Variants in SEMA3A observed in about 807,000 individuals in gnomAD.
SEMA3A encodes semaphorin-3A.
SEMA3A carries 29 observed loss-of-function variants against 97.9 expected under a neutral mutation model. That is an observed-to-expected ratio of 0.30 (90% confidence interval 0.22 to 0.40). SEMA3A has a LOEUF of 0.40. SEMA3A is among the 10% of genes least tolerant of loss of function. The pLI, the probability that SEMA3A is intolerant of heterozygous loss-of-function variation, is 1.00. For missense variants in SEMA3A, 763 were observed against 951.3 expected (o/e 0.80, Z 2.60); for synonymous variants, 321 against 323.7 (o/e 0.99, Z 0.09).
At position 84,011,022 on chromosome 7, in the gene SEMA3A, C is replaced by A; in HGVS notation, c.995G>T (p.Ser332Ile). 1.3e-6 allele frequency: 2 copies of A among 1,597,942 alleles called. No homozygotes were observed. The highest frequency in any genetic ancestry group is 1.7e-6 in the Non-Finnish European group (2 of 1,168,786). ...ATAAGGTAGTTAAAAAGTTACTTAC[C>A]TGGAAGTCGTAAACACTCCATATAC... is the stretch of plus-strand genomic sequence containing the variant. ...PVVYGVFTTS[S>I]NIFKGSAVCM... The change falls in exon 9 of 17, where the codon AGT becomes ATT. Residue 332 changes from serine to isoleucine, a missense_variant and splice_region_variant. Physicochemically the swap from Ser to Ile is moderately radical, Grantham distance 142. Around this residue, in one of 2 missense-constraint regions of SEMA3A, gnomAD observed 678 missense variants for 881.3 expected, o/e 0.77. Transcript: ENST00000265362.
chr7:84,162,793 A>G (rs578235464), intron 1 of SEMA3A, among the ~76,000 whole-genome samples: 18 of 152,228 alleles, frequency 1.2e-4, no homozygotes, highest in Admixed American at 6.5e-4. Flanking sequence ...GCAAAGCTGT[A>G]GCTATGTCCA....
intron 1 of SEMA3A, among the ~76,000 whole-genome samples, chr7:84,429,313 C>T (rs368976747): frequency 2.8e-4 from 43 of 151,184 alleles, no homozygotes; most frequent in African/African-American, 4.4e-4. Context: ...TGAACTAGTA[C>T]GACATCTCCA....
intron 2 of SEMA3A, among the ~76,000 whole-genome samples, chr7:84,370,290 TAA>T (rs556596388): frequency 2.5e-4 from 38 of 151,668 alleles, no homozygotes; most frequent in Non-Finnish European, 4.3e-4. Flanking sequence ...TCACAATCCA[TAA>T]ACTTTGTTTC....
intron 1 of SEMA3A, among the ~76,000 whole-genome samples, chr7:84,462,721 A>G (rs1490746649): frequency 6.6e-6 from 1 of 152,148 alleles, no homozygotes; most frequent in Non-Finnish European, 1.5e-5. Context: ...CCTTTTTAGC[A>G]TGTAACCAAA....
intron 1 of SEMA3A, among the ~76,000 whole-genome samples, chr7:84,177,336 A>G (rs529029603): frequency 2.0e-4 from 31 of 152,266 alleles, no homozygotes; most frequent in Admixed American, 1.2e-3. Flanking sequence ...TCAGTAGGCC[A>G]TGCATTCATT....
chr7:84,023,880 C>T (rs1400955994), intron 6 of SEMA3A, among the ~76,000 whole-genome samples: 2 of 151,966 alleles, frequency 1.3e-5, no homozygotes, highest in East Asian at 2.0e-4. Flanking sequence ...GGTGTGGTGG[C>T]GGGTACCTGT....
chr7:84,338,156 T>C (rs1040662023), intron 2 of SEMA3A, among the ~76,000 whole-genome samples: 9 of 150,790 alleles, frequency 6.0e-5, no homozygotes, highest in African/African-American at 2.2e-4. Flanking sequence ...AAAATATGTG[T>C]ATATACATGC....
At position 83,961,157 on chromosome 7, in the gene SEMA3A, T is replaced by C; in HGVS notation, c.*214A>G. 1.8e-6 allele frequency: 1 copy of C among 570,236 alleles called. No homozygotes were observed. The highest frequency in any genetic ancestry group is 3.0e-5 in the East Asian group (1 of 33,136). 35.3% of individuals were successfully genotyped at this position (570,236 alleles called of 1,614,324 possible). A position where few individuals can be genotyped will look rare whatever the true frequency, so the allele number is the denominator to read the frequency against. ...GCTAAAGTGAACATCTGCATTCACC[T>C]GTGTTCTCTGTTAGGTGGTGGTATT... On this transcript the variant is annotated 3_prime_UTR_variant, in exon 17 of 17. Transcript: ENST00000265362.
At chr7:84,065,807 C>A (rs1447907655) in intron 4 of SEMA3A, among the ~76,000 whole-genome samples, 1 of 151,856 alleles carries the variant, frequency 6.6e-6, no homozygotes, top group Non-Finnish European at 1.5e-5. Context: ...GAGTCCAGGA[C>A]CAGATGGATT....
intron 3 of SEMA3A, among the ~76,000 whole-genome samples, chr7:84,222,882 G>T (rs575077300): frequency 6.6e-6 from 1 of 151,816 alleles, no homozygotes; most frequent in Non-Finnish European, 1.5e-5. Flanking sequence ...ATAGAAACTT[G>T]CTCATTCAGG....
chr7:84,484,053 G>GA (rs879740885), intron 1 of SEMA3A, among the ~76,000 whole-genome samples: 76 of 117,964 alleles, frequency 6.4e-4, no homozygotes, highest in South Asian at 2.2e-3. Flanking sequence ...TCAAAAAAAA[G>GA]AAAAAAAAAA....
chr7:84,438,572 G>A (rs1725756190), intron 1 of SEMA3A, among the ~76,000 whole-genome samples: 2 of 152,040 alleles, frequency 1.3e-5, no homozygotes, highest in African/African-American at 4.8e-5. Flanking sequence ...ACTTCATTAT[G>A]TGAATTATCA....
intron 12 of SEMA3A, among the ~76,000 whole-genome samples, chr7:83,995,951 G>T (rs992708040): frequency 6.6e-6 from 1 of 152,090 alleles, no homozygotes; most frequent in Non-Finnish European, 1.5e-5. Context: ...TCTTTCATTT[G>T]TCTGCTCAGC....
At chr7:84,003,577 T>A (rs1790545942) in intron 11 of SEMA3A, among the ~76,000 whole-genome samples, 1 of 152,100 alleles carries the variant, frequency 6.6e-6, no homozygotes, top group Admixed American at 6.6e-5. Context: ...AAAGACAGAT[T>A]GTGTCCAAGA....
chr7:84,188,237 G>A (rs542420844), intron 1 of SEMA3A, among the ~76,000 whole-genome samples: 1 of 152,002 alleles, frequency 6.6e-6, no homozygotes, highest in South Asian at 2.1e-4. Flanking sequence ...TTATCAACAG[G>A]ATTTTATTTT....
At chr7:84,362,612 T>C (rs1437828347) in intron 2 of SEMA3A, among the ~76,000 whole-genome samples, 1 of 151,954 alleles carries the variant, frequency 6.6e-6, no homozygotes, top group Non-Finnish European at 1.5e-5. Context: ...AACTTTAAGT[T>C]TGATATGGTT....
At chr7:84,110,730 A>C (rs963461460) in intron 3 of SEMA3A, 141 bp from the exon 4 acceptor site, 2 of 871,608 alleles carry the variant, frequency 2.3e-6, no homozygotes, top group Non-Finnish European at 3.4e-6. Flanking sequence ...CAACATTTTA[A>C]GGACTTATTT....
intron 2 of SEMA3A, among the ~76,000 whole-genome samples, chr7:84,344,934 CT>C (rs1193553334): frequency 2.6e-5 from 4 of 152,096 alleles, no homozygotes; most frequent in African/African-American, 9.7e-5. Flanking sequence ...AAAACACATT[CT>C]GGAAAAACAC....
chr7:84,474,990 G>GA (rs980840663), intron 1 of SEMA3A, among the ~76,000 whole-genome samples: 2 of 151,632 alleles, frequency 1.3e-5, no homozygotes, highest in Admixed American at 6.6e-5. Flanking sequence ...ATAGGATGAA[G>GA]AAAAAAAAGT....
Sources: allele counts gnomAD v4.1 joint callset (sites outside exome capture counted in the v4.1 genomes callset), GRCh38; gene constraint gnomAD v4.1.1; regional missense constraint gnomAD v4.1.1; transcripts MANE v1.5; gene names NCBI Gene and HGNC (gene_info 2026-07-23, HGNC 2026-07-21).